CPN2: variants seen among roughly 807,000 people sequenced by gnomAD.
CPN2 encodes carboxypeptidase N 83 kDa chain.
For missense variants in CPN2, 620 were observed against 671.4 expected, an observed-to-expected ratio of 0.92 and a Z score of 0.85; for synonymous variants, 336 against 318.4, an observed-to-expected ratio of 1.06 and a Z score of -0.59.
Position 194,341,224 on chromosome 3 carries a change from G to C in CPN2, c.1479C>G (p.Ala493=). 1 of 1,613,624 alleles carries C rather than the reference G, an allele frequency of 6.2e-7. No homozygotes were observed. Among genetic ancestry groups the C allele is most frequent in the Non-Finnish European group, 8.5e-7 (1 of 1,180,036 alleles). Residue 493 remains alanine, a synonymous_variant, in exon 2 of 2, where the codon GCC becomes GCG. Transcript: ENST00000323830. Reference sequence around the variant, plus strand: ...GCCAGCGACACTGGGCCTGGTCACAGGCGAGCACCACGGTGCCCTCGGGGT... The same window carrying C: ...GCCAGCGACACTGGGCCTGGTCACACGCGAGCACCACGGTGCCCTCGGGGT... ...YSNPEGTVVL[A]CDQAQCRWLN...
chr3:194,347,584 G>A (rs1490837317), intron 1 of CPN2, among the ~76,000 whole-genome samples: 1 of 152,160 alleles, frequency 6.6e-6, no homozygotes, highest in Non-Finnish European at 1.5e-5. Flanking sequence ...TGGCTGAGAC[G>A]GTCAGGTTTG....
At position 194,342,408 on chromosome 3, in the gene CPN2, G is replaced by C. The variant is rs1413149352; in HGVS notation, c.295C>G (p.Leu99Val). The change falls in exon 2 of 2, where the codon CTG becomes GTG. Residue 99 changes from leucine to valine, a missense_variant. Leu to Val is a conservative substitution (Grantham distance 32, BLOSUM62 1). Coordinates refer to ENST00000323830, the MANE Select transcript of CPN2 (RefSeq NM_001080513.4). ...RPDAFGGLPRLEDLEVTGSSF... is the reference protein window; with the variant it reads ...RPDAFGGLPRVEDLEVTGSSF... ...CTGCCTGTGACCTCCAGGTCCTCCA[G>C]CCTGGGCAGCCCCCCGAAGGCATCC... 1 of 1,614,130 alleles carries C rather than the reference G, an allele frequency of 6.2e-7. No individual in the cohort carries two copies. The highest frequency in any genetic ancestry group is 1.3e-5 in the African/African-American group (1 of 74,944).
In CPN2 at chr3:194,341,162, C is replaced by T. The variant is rs1712793218; in HGVS notation, c.1541G>A (p.Gly514Glu). 3 of 1,613,352 alleles carry T rather than the reference C, an allele frequency of 1.9e-6. No homozygotes were observed. Among genetic ancestry groups the T allele is most frequent in the African/African-American group, 1.3e-5 (1 of 74,928 alleles). The change falls in exon 2 of 2, where the codon GGA becomes GAA. Residue 514 changes from glycine (G) to glutamate (E), a missense_variant. Coordinates refer to ENST00000323830, the MANE Select transcript of CPN2 (RefSeq NM_001080513.4). ...CTCCTGACTAGCATTGTACTGCAGT[C>T]CCAGGGAGCCCTGCTGAGGAGAGAG... ...VQLSPQQGSL[G>E]LQYNASQEWD...
Position 194,341,829 on chromosome 3 carries a change from C to T in CPN2, c.874G>A (p.Val292Ile). 1 of 1,613,918 alleles carries T rather than the reference C, an allele frequency of 6.2e-7. No individual in the cohort carries two copies. Among genetic ancestry groups the T allele is most frequent in the Non-Finnish European group, 8.5e-7 (1 of 1,179,834 alleles). The change falls in exon 2 of 2, where the codon GTT becomes ATT. Residue 292 changes from valine to isoleucine, a missense_variant. By Grantham distance (29) the Val-to-Ile change is conservative. Coordinates refer to ENST00000323830, the MANE Select transcript of CPN2 (RefSeq NM_001080513.4). Reference sequence around the variant, plus strand: ...TGGTTATGGGTCAGAGACAGGCCAACCAGGCACGGGGTGTGGGCAAAGAGG... The same window carrying T: ...TGGTTATGGGTCAGAGACAGGCCAATCAGGCACGGGGTGTGGGCAAAGAGG... ...AGLFAHTPCL[V>I]GLSLTHNQLE...
At chr3:194,348,407 C>T (rs575943849) in intron 1 of CPN2, among the ~76,000 whole-genome samples, 12 of 151,940 alleles carry the variant, frequency 7.9e-5, no homozygotes, top group South Asian at 2.1e-4. Context: ...AAACCAAGAA[C>T]GACCATGATA....
chr3:194,342,165 G>C lies in CPN2; in HGVS notation c.538C>G (p.Leu180Val), dbSNP rs772293956. The change falls in exon 2 of 2, where the codon CTC (leucine) becomes GTC (valine). Residue 180 changes from leucine to valine, a missense_variant. Leu to Val is a conservative substitution (Grantham distance 32). Coordinates refer to ENST00000323830, the MANE Select transcript of CPN2 (RefSeq NM_001080513.4). ...AGCTCCTCCGGGAGCTGGGCCAGGA[G>C]GTTCTGGGCCAGGTTGAGTGTCTTC... Reference protein sequence around the residue: ...HLKTLNLAQNLLAQLPEELFH... With the variant: ...HLKTLNLAQNVLAQLPEELFH... The C allele has an allele frequency of 3.7e-6, 6 of 1,614,110 alleles. No homozygotes were observed. Among genetic ancestry groups the C allele is most frequent in the Non-Finnish European group, 5.1e-6 (6 of 1,179,978 alleles).
chr3:194,347,563 C>T lies in CPN2; in HGVS notation c.-4+3679G>A, dbSNP rs1197421288. 2.6e-5 allele frequency among the ~76,000 whole-genome samples: 4 copies of T among 152,234 alleles called. No homozygotes were observed. The East Asian group carries it at 5.8e-4, about 22-fold the overall frequency. The stretch of plus-strand genomic sequence containing the variant: ...GTCCCCTCTCTTCTCAATCCAGCAA[C>T]GTAAGTCCAGTGGCTGAGACGGTCA... On this transcript the variant is annotated intron_variant, in intron 1 of 1. Coordinates refer to ENST00000323830, the MANE Select transcript of CPN2 (RefSeq NM_001080513.4).
At chr3:194,348,603 A>G (rs1713144987) in intron 1 of CPN2, among the ~76,000 whole-genome samples, 1 of 152,192 alleles carries the variant, frequency 6.6e-6, no homozygotes, top group South Asian at 2.1e-4. Flanking sequence ...TTAAAATTAT[A>G]TTACAGGCTG....
chr3:194,349,729 T>G (rs4974524), intron 1 of CPN2, among the ~76,000 whole-genome samples: 102,523 of 146,758 alleles, frequency 0.7, 35,727 homozygotes, highest in East Asian at 0.77. Context: ...ACCCTCCCAG[T>G]CCAGTGCAAG....
chr3:194,341,145 T>C lies in CPN2; in HGVS notation c.1558A>G (p.Ser520Gly), dbSNP rs1180634203. 1 of 1,613,316 alleles carries C rather than the reference T, an allele frequency of 6.2e-7. No individual in the cohort carries two copies. Among genetic ancestry groups the C allele is most frequent in the Non-Finnish European group, 8.5e-7 (1 of 1,179,962 alleles). ...QGSLGLQYNA[S>G]QEWDLRSSCG... ...CTCGACCTCAGGTCCCACTCCTGAC[T>C]AGCATTGTACTGCAGTCCCAGGGAG... Residue 520 changes from serine (S) to glycine (G), a missense_variant, in exon 2 of 2, where the codon AGT (serine) becomes GGT (glycine). By Grantham distance (56) the Ser-to-Gly change is moderately conservative. Coordinates refer to ENST00000323830, the MANE Select transcript of CPN2 (RefSeq NM_001080513.4).
In CPN2 at chr3:194,342,081, G is replaced by A. The variant is rs1156597674; in HGVS notation, c.622C>T (p.Leu208Phe). 2 of 1,614,200 alleles carry A rather than the reference G, an allele frequency of 1.2e-6. No individual in the cohort carries two copies. Among genetic ancestry groups the A allele is most frequent in the Admixed American group, 3.3e-5 (2 of 60,028 alleles). ...LKLSNNALSGLPQGVFGKLGS... is the reference protein window; with the variant it reads ...LKLSNNALSGFPQGVFGKLGS... ...AGTTTGCCAAACACACCCTGGGGGA[G>A]ACCAGAGAGCGCGTTGTTGCTCAGC... The change falls in exon 2 of 2, where the codon CTC (leucine) becomes TTC (phenylalanine). Residue 208 changes from leucine (L) to phenylalanine (F), a missense_variant. Physicochemically the swap from Leu to Phe is conservative, Grantham distance 22. Coordinates refer to ENST00000323830, the MANE Select transcript of CPN2 (RefSeq NM_001080513.4).
At position 194,342,423 on chromosome 3, in the gene CPN2, C is replaced by T. The variant is rs1438277511; in HGVS notation, c.280G>A (p.Gly94Arg). The T allele has an allele frequency of 1.9e-5, 30 of 1,614,078 alleles. No homozygotes were observed. Among genetic ancestry groups the T allele is most frequent in the South Asian group, 7.7e-5 (7 of 91,092 alleles). The stretch of plus-strand genomic sequence containing the variant: ...AGGTCCTCCAGCCTGGGCAGCCCCC[C>T]GAAGGCATCCGGCCTAAACTGGCAG... ...QLCQFRPDAF[G>R]GLPRLEDLEV... Residue 94 changes from glycine (G) to arginine (R), a missense_variant, in exon 2 of 2, where the codon GGG becomes AGG. Coordinates refer to ENST00000323830, the MANE Select transcript of CPN2 (RefSeq NM_001080513.4).
chr3:194,350,077 C>T (rs1389661780), intron 1 of CPN2, among the ~76,000 whole-genome samples: 4 of 152,160 alleles, frequency 2.6e-5, no homozygotes, highest in Admixed American at 6.5e-5. Context: ...GCTGGGATTA[C>T]AGGCGTGAGC....
At position 194,342,013 on chromosome 3, in the gene CPN2, C is replaced by T. The variant is rs114433224; in HGVS notation, c.690G>A (p.Ser230=). The T allele has an allele frequency of 2.9e-3, 4,702 of 1,614,172 alleles. 11 individuals carry two copies. Among genetic ancestry groups the T allele is most frequent in the Non-Finnish European group, 3.7e-3 (4,418 of 1,180,042 alleles). Residue 230 remains serine (S), a synonymous_variant, in exon 2 of 2, where the codon TCG becomes TCA. Coordinates refer to ENST00000323830, the MANE Select transcript of CPN2 (RefSeq NM_001080513.4). ...GGGAGAACACCTGAGGGGGCAGCTCCGAGATGTTGTTGCTGTCCAGGAAGA... is the reference window on the plus strand; with the variant it reads ...GGGAGAACACCTGAGGGGGCAGCTCTGAGATGTTGTTGCTGTCCAGGAAGA... The part of the protein sequence containing the change: ...QELFLDSNNI[S]ELPPQVFSQL...
chr3:194,346,105 T>C (rs1323511016), intron 1 of CPN2, among the ~76,000 whole-genome samples: 1 of 152,196 alleles, frequency 6.6e-6, no homozygotes, highest in Non-Finnish European at 1.5e-5. Flanking sequence ...ACATACATCT[T>C]GATCCTCAGC....
At chr3:194,349,411 G>T (rs1713173503) in intron 1 of CPN2, among the ~76,000 whole-genome samples, 1 of 152,282 alleles carries the variant, frequency 6.6e-6, no homozygotes, top group African/African-American at 2.4e-5. Flanking sequence ...AATTGTGGAT[G>T]ATTTTAATTT....
At chr3:194,346,700 T>C (rs1372880278) in intron 1 of CPN2, among the ~76,000 whole-genome samples, 4 of 152,212 alleles carry the variant, frequency 2.6e-5, no homozygotes, top group Non-Finnish European at 5.9e-5. Flanking sequence ...GAGGATGGAA[T>C]GAGAAAACGC....
chr3:194,345,369 C>T (rs952617640), intron 1 of CPN2, among the ~76,000 whole-genome samples: 1 of 152,216 alleles, frequency 6.6e-6, no homozygotes. Flanking sequence ...CTGTGTTATC[C>T]AAGCTGGAGT....
intron 1 of CPN2, among the ~76,000 whole-genome samples, chr3:194,345,715 C>T (rs1490542945): frequency 6.6e-6 from 1 of 152,188 alleles, no homozygotes; most frequent in African/African-American, 2.4e-5. Context: ...CTTGTGGAGC[C>T]CAGATCTCCT....
Sources: gnomAD v4.1 joint callset for allele counts (sites outside exome capture counted in the v4.1 genomes callset) on GRCh38, gnomAD v4.1.1 for gene constraint, MANE v1.5 for transcripts, NCBI Gene and HGNC (gene_info 2026-07-23, HGNC 2026-07-21) for gene names.